Variants in EVI5 observed in about 807,000 individuals in gnomAD.
EVI5 encodes ecotropic viral integration site 5 protein homolog.
EVI5 carries 73 observed loss-of-function variants against 112.0 expected under a neutral mutation model. The ratio of observed to expected loss-of-function variants is 0.65; its 90% CI spans 0.54 to 0.79. The LOEUF (loss-of-function observed/expected upper bound fraction) is 0.79, where lower values mean the gene tolerates loss of function less well. EVI5 is among the 30% of genes least tolerant of loss of function. The pLI, the probability that EVI5 is intolerant of heterozygous loss-of-function variation, is 0.00. For missense variants in EVI5, 900 were observed against 968.8 expected, an observed-to-expected ratio of 0.93 and a Z score of 0.94; for synonymous variants, 305 against 319.9, an observed-to-expected ratio of 0.95 and a Z score of 0.50.
chr1:92,730,563 T>C lies in EVI5; in HGVS notation c.149+5835A>G, dbSNP rs372008289. Among the ~76,000 whole-genome samples, 61 of 149,000 alleles carry C rather than the reference T, an allele frequency of 4.1e-4. 1 individual carries two copies. Among genetic ancestry groups the C allele is most frequent in the South Asian group, 2.2e-3 (10 of 4,648 alleles). ...CAAGTGTAGTGGTGCATGCATGTAA[T>C]TCTAGCTACTCAGGAGGCTGAGGTG... On this transcript the variant is annotated intron_variant, in intron 2 of 19. Transcript: ENST00000684568.
intron 16 of EVI5, among the ~76,000 whole-genome samples, chr1:92,608,344 G>A (rs918634810): frequency 2.0e-5 from 3 of 152,044 alleles, no homozygotes; most frequent in Admixed American, 6.6e-5. Context: ...AGTACAAAAT[G>A]GATAGATACA....
rs377035683 is a variant in EVI5, at chr1:92,698,910, A to G, written c.640-925T>C. 3.9e-5 allele frequency among the ~76,000 whole-genome samples: 6 copies of G among 152,348 alleles called. 1 individual carries two copies. In the South Asian group the frequency reaches 1.2e-3, roughly 32 times the overall value. On this transcript the variant is annotated intron_variant, in intron 5 of 19. Coordinates refer to ENST00000684568, the MANE Select transcript of EVI5 (RefSeq NM_001350197.2). ...TAATGAATGTGAAAGCTCTGTAAAG[A>G]GCTACAAAGATATTCAGAATACTTA...
chr1:92,563,641 C>T lies in EVI5; in HGVS notation c.2166+1G>A. On this transcript the variant is annotated splice_donor_variant, in intron 19 of 19. Transcript: ENST00000684568. LOFTEE classifies it high-confidence loss of function. Reference sequence around the variant, plus strand: ...TGTGAAGATCAAAATTTATCACTTACCTCATGATTCAGCTCTGCTATCTGA... The same window carrying T: ...TGTGAAGATCAAAATTTATCACTTATCTCATGATTCAGCTCTGCTATCTGA... 1.3e-6 allele frequency: 2 copies of T among 1,519,810 alleles called. No individual in the cohort carries two copies. The highest frequency in any genetic ancestry group is 1.8e-6 in the Non-Finnish European group (2 of 1,104,376). The allele number at this position is 1,519,810 out of a possible 1,614,324, so 94.1% of individuals were successfully genotyped here.
At chr1:92,637,477 T>C (rs951849634) in intron 13 of EVI5, among the ~76,000 whole-genome samples, 1 of 152,164 alleles carries the variant, frequency 6.6e-6, no homozygotes, top group Non-Finnish European at 1.5e-5. Context: ...GCACGCAACT[T>C]TCCCATTTGC....
intron 18 of EVI5, among the ~76,000 whole-genome samples, chr1:92,578,453 C>A (rs558737364): frequency 6.6e-6 from 1 of 152,058 alleles, no homozygotes; most frequent in African/African-American, 2.4e-5. Context: ...GACGGCCGGG[C>A]GCCTGTAATC....
chr1:92,619,845 A>T (rs1654128727), intron 16 of EVI5, among the ~76,000 whole-genome samples: 1 of 152,296 alleles, frequency 6.6e-6, no homozygotes, highest in African/African-American at 2.4e-5. Context: ...CTCATCAAAC[A>T]ACTTGACAAA....
chr1:92,632,381 G>A (rs1657365181), intron 14 of EVI5, among the ~76,000 whole-genome samples: 1 of 152,170 alleles, frequency 6.6e-6, no homozygotes, highest in South Asian at 2.1e-4. Context: ...TCTATTCAGA[G>A]ATTCAACTTC....
In EVI5 at chr1:92,534,273, A is replaced by G. The variant is rs548532935; in HGVS notation, c.2167-20303T>C. On this transcript the variant is annotated intron_variant, in intron 19 of 19. Transcript: ENST00000684568. Reference sequence around the variant, plus strand: ...GAACTACAAACCACTGCTCAAGGAAATAAGAGAGGACACAAACAAATGGAA... The same window carrying G: ...GAACTACAAACCACTGCTCAAGGAAGTAAGAGAGGACACAAACAAATGGAA... Among the ~76,000 whole-genome samples the G allele has an allele frequency of 1.7e-3, 266 of 152,342 alleles. 1 individual carries two copies. Among genetic ancestry groups the G allele is most frequent in the African/African-American group, 5.8e-3 (243 of 41,576 alleles).
intron 1 of EVI5, among the ~76,000 whole-genome samples, chr1:92,741,509 T>C (rs952693519): frequency 1.3e-5 from 2 of 152,194 alleles, no homozygotes; most frequent in Non-Finnish European, 2.9e-5. Context: ...CAGGATATTA[T>C]TACATAACAA....
In EVI5 at chr1:92,635,389, C is replaced by T. The variant is rs899874906; in HGVS notation, c.1527+813G>A. 4.6e-5 allele frequency among the ~76,000 whole-genome samples: 7 copies of T among 152,320 alleles called. No individual in the cohort carries two copies. The East Asian group carries it at 7.7e-4, about 17-fold the overall frequency. Reference sequence around the variant, plus strand: ...AAGCCTCGGCAATGGCAGGCGCCCCCGCTGCAGCCTCGCTGCCGCCTTGCA... The same window carrying T: ...AAGCCTCGGCAATGGCAGGCGCCCCTGCTGCAGCCTCGCTGCCGCCTTGCA... On this transcript the variant is annotated intron_variant, in intron 14 of 19. Coordinates refer to ENST00000684568, the MANE Select transcript of EVI5 (RefSeq NM_001350197.2).
chr1:92,534,383 C>G (rs1663441849), intron 19 of EVI5, among the ~76,000 whole-genome samples: 1 of 152,148 alleles, frequency 6.6e-6, no homozygotes, highest in Non-Finnish European at 1.5e-5. Flanking sequence ...TCAATGCTAT[C>G]CCCATCAAGC....
chr1:92,761,192 T>C (rs1429815710), intron 1 of EVI5, among the ~76,000 whole-genome samples: 3 of 152,284 alleles, frequency 2.0e-5, no homozygotes, highest in Middle Eastern at 3.4e-3. Flanking sequence ...TCAAGTTTCA[T>C]AGTAAGTTTT....
intron 9 of EVI5, among the ~76,000 whole-genome samples, chr1:92,689,673 T>G (rs148193010): frequency 1.4e-4 from 21 of 152,218 alleles, no homozygotes; most frequent in African/African-American, 5.1e-4. Flanking sequence ...GTGGCCACAA[T>G]AAGAACTCTT....
intron 1 of EVI5, among the ~76,000 whole-genome samples, chr1:92,758,088 A>T (rs926212012): frequency 6.6e-6 from 1 of 152,186 alleles, no homozygotes; most frequent in South Asian, 2.1e-4. Context: ...AAATATAGGT[A>T]AAGAATAGGA....
At chr1:92,754,581 G>A in intron 1 of EVI5, among the ~76,000 whole-genome samples, 1 of 152,168 alleles carries the variant, frequency 6.6e-6, no homozygotes, top group East Asian at 1.9e-4. Flanking sequence ...ACTGGGGCTG[G>A]AAGAGCTGCT....
At chr1:92,703,976 G>C (rs1450842638) in intron 3 of EVI5, 1 of 162,860 alleles carries the variant, frequency 6.1e-6, no homozygotes, top group Non-Finnish European at 1.2e-5. Context: ...CAAGAATGCA[G>C]GATATCACAA....
chr1:92,717,476 T>G (rs530608238), intron 2 of EVI5, among the ~76,000 whole-genome samples: 2 of 152,078 alleles, frequency 1.3e-5, no homozygotes, highest in Admixed American at 1.3e-4. Flanking sequence ...ATAAAATCCT[T>G]TACAGACAAG....
intron 7 of EVI5, 47 bp downstream of exon 7, chr1:92,695,261 CAG>C: frequency 6.5e-7 from 1 of 1,528,666 alleles, no homozygotes; most frequent in Non-Finnish European, 8.9e-7. Flanking sequence ...CTCACTAACT[CAG>C]TGACCCCTTT....
At chr1:92,764,856 A>G (rs1682366439) in intron 1 of EVI5, among the ~76,000 whole-genome samples, 1 of 152,154 alleles carries the variant, frequency 6.6e-6, no homozygotes. Flanking sequence ...GAAAATTACC[A>G]TGGTCTGTGT....
Sources: allele counts gnomAD v4.1 joint callset (sites outside exome capture counted in the v4.1 genomes callset), GRCh38; gene constraint gnomAD v4.1.1; transcripts MANE v1.5; gene names NCBI Gene and HGNC (gene_info 2026-07-23, HGNC 2026-07-21).